Variants in HNF1B observed in about 807,000 individuals in gnomAD.
HNF1B encodes the protein HNF1 homeobox B.
In HNF1B, 8 loss-of-function variants were observed where a neutral mutation model predicts 61.7. The ratio of observed to expected loss-of-function variants is 0.13; its 90% confidence interval spans 0.08 to 0.23. The LOEUF (loss-of-function observed/expected upper bound fraction) is 0.23, where lower values mean the gene tolerates loss of function less well. Ranked by LOEUF, HNF1B falls within the 10% of genes least tolerant of loss-of-function variation. The pLI, the probability that HNF1B is intolerant of heterozygous loss-of-function variation, is 1.00. For synonymous variants in HNF1B, 314 were observed against 287.7 expected (o/e 1.09, Z -0.93); for missense variants, 562 against 714.5 (o/e 0.79, Z 2.43).
At chr17:37,720,478 TAGAGA>T (rs2033273714) in intron 4 of HNF1B, among the ~76,000 whole-genome samples, 1 of 151,902 alleles carries the variant, frequency 6.6e-6, no homozygotes, top group Admixed American at 6.6e-5. Context: ...ACACTGTTTC[TAGAGA>T]AGAGAAAATA....
At chr17:37,703,652 A>T (rs979209886) in intron 6 of HNF1B, among the ~76,000 whole-genome samples, 1 of 152,186 alleles carries the variant, frequency 6.6e-6, no homozygotes, top group Non-Finnish European at 1.5e-5. Flanking sequence ...TCAAAAGGCA[A>T]TACATTTAAA....
chr17:37,701,659 T>C (rs912823143), intron 6 of HNF1B, among the ~76,000 whole-genome samples: 2 of 152,136 alleles, frequency 1.3e-5, no homozygotes, highest in Admixed American at 1.3e-4. Context: ...ACAACTTCCA[T>C]AGTCCCGGGA....
chr17:37,730,179 A>C (rs1438955958), intron 4 of HNF1B: 4 of 152,670 alleles, frequency 2.6e-5, no homozygotes, highest in African/African-American at 9.7e-5. Context: ...CCTTGCCCCA[A>C]CCACGCCCCC....
At chr17:37,707,672 G>T (rs1028275293) in intron 5 of HNF1B, among the ~76,000 whole-genome samples, 2 of 152,138 alleles carry the variant, frequency 1.3e-5, no homozygotes, top group African/African-American at 4.8e-5. Context: ...GGGGTTGAAA[G>T]CAGGCTATCT....
rs1027738073 is a variant in HNF1B, at chr17:37,721,383, G to A, written c.1045+10212C>T. Reference sequence around the variant, plus strand: ...AGTTTCACAATAAAATACCACAATGGCAAGCCTCCCTCTGCACTCCAAGCT... The same window carrying A: ...AGTTTCACAATAAAATACCACAATGACAAGCCTCCCTCTGCACTCCAAGCT... On this transcript the variant is annotated intron_variant, in intron 4 of 8. Coordinates refer to ENST00000617811, the MANE Select transcript of HNF1B (RefSeq NM_000458.4). Among the ~76,000 whole-genome samples the A allele has an allele frequency of 3.9e-5, 6 of 152,174 alleles. No individual in the cohort carries two copies. In the South Asian group the frequency reaches 8.3e-4, roughly 21 times the overall value.
intron 4 of HNF1B, among the ~76,000 whole-genome samples, chr17:37,718,038 C>T (rs1568652259): frequency 6.6e-6 from 1 of 152,002 alleles, no homozygotes. Flanking sequence ...ACAGACAGGC[C>T]TGCAGGGACA....
intron 4 of HNF1B, among the ~76,000 whole-genome samples, chr17:37,716,842 A>ATCTC (rs55634127): frequency 0.028 from 3,635 of 130,996 alleles, 89 homozygotes; most frequent in Middle Eastern, 0.059. Context: ...CACTTTAACA[A>ATCTC]TCTCTCTCTC....
intron 4 of HNF1B, among the ~76,000 whole-genome samples, chr17:37,723,510 C>G (rs1403733364): frequency 6.6e-6 from 1 of 152,198 alleles, no homozygotes; most frequent in African/African-American, 2.4e-5. Flanking sequence ...CTTCCCCTCA[C>G]TGTTTCCTGA....
At chr17:37,721,953 C>T (rs936324746) in intron 4 of HNF1B, among the ~76,000 whole-genome samples, 4 of 152,090 alleles carry the variant, frequency 2.6e-5, no homozygotes, top group African/African-American at 7.2e-5. Flanking sequence ...TGGGACTCTA[C>T]GTGAATCTCT....
Position 37,744,824 on chromosome 17 carries a change from C to T in HNF1B, c.61G>A (p.Val21Ile), listed in dbSNP as rs1304695155. ...GCCTGAACCAGCACCTCCTTGGTGACCCCGGAGCTCAGCAGGGCGCTCAGG... is the reference window on the plus strand; with the variant it reads ...GCCTGAACCAGCACCTCCTTGGTGATCCCGGAGCTCAGCAGGGCGCTCAGG... ...ELLSALLSSG[V>I]TKEVLVQALE... is the part of the protein sequence containing the mutation. The change falls in exon 1 of 9, where the codon GTC becomes ATC. Residue 21 changes from valine to isoleucine, a missense_variant. This residue lies in a region of HNF1B where 148 missense variants were observed against 147.3 expected (regional missense o/e 1.00). Coordinates refer to ENST00000617811, the MANE Select transcript of HNF1B (RefSeq NM_000458.4). 9 of 1,613,362 alleles carry T rather than the reference C, an allele frequency of 5.6e-6. No homozygotes were observed. Among genetic ancestry groups the T allele is most frequent in the Non-Finnish European group, 6.8e-6 (8 of 1,180,010 alleles).
chr17:37,700,495 A>G (rs1444559224), intron 7 of HNF1B, among the ~76,000 whole-genome samples: 3 of 152,214 alleles, frequency 2.0e-5, no homozygotes, highest in Non-Finnish European at 4.4e-5. Flanking sequence ...TTTGGGGTGT[A>G]TAAATTGGAG....
intron 4 of HNF1B, among the ~76,000 whole-genome samples, chr17:37,714,728 T>A (rs992654280): frequency 6.6e-6 from 1 of 152,240 alleles, no homozygotes; most frequent in African/African-American, 2.4e-5. Context: ...CTATCCAATA[T>A]GACTGGTCAG....
At chr17:37,712,218 A>AGCT (rs1656792236) in intron 4 of HNF1B, among the ~76,000 whole-genome samples, 1 of 152,126 alleles carries the variant, frequency 6.6e-6, no homozygotes, top group Non-Finnish European at 1.5e-5. Context: ...TGAATCAAGG[A>AGCT]GCTGCTAGTG....
intron 4 of HNF1B, among the ~76,000 whole-genome samples, chr17:37,722,684 TC>T (rs1199069722): frequency 6.6e-6 from 1 of 151,960 alleles, no homozygotes; most frequent in Non-Finnish European, 1.5e-5. Context: ...AAGCATCGAG[TC>T]CCCCCTTGCC....
chr17:37,690,627 G>C (rs973705037), intron 8 of HNF1B, among the ~76,000 whole-genome samples: 61 of 152,140 alleles, frequency 4.0e-4, no homozygotes, highest in African/African-American at 1.3e-3. Context: ...CTTATTGAGA[G>C]ACTGATGTGA....
intron 8 of HNF1B, among the ~76,000 whole-genome samples, chr17:37,698,028 C>T (rs1425867064): frequency 6.9e-6 from 1 of 144,900 alleles, no homozygotes; most frequent in Non-Finnish European, 1.6e-5. Flanking sequence ...CACTCTAGGG[C>T]TGGAAGGAGA....
chr17:37,731,716 T>C lies in HNF1B; in HGVS notation c.924A>G (p.Ala308=). ...CGTCCATGGCCAGCTTTTGCCGGAA[T>C]GCCTCCTCCTTCCTGCGGTTTGCAA... ...NWFANRRKEE[A]FRQKLAMDAY... The change falls in exon 4 of 9, where the codon GCA becomes GCG. Residue 308 remains alanine (A), a synonymous_variant. Transcript: ENST00000617811. The C allele has an allele frequency of 1.2e-6, 2 of 1,614,124 alleles. No individual in the cohort carries two copies. The highest frequency in any genetic ancestry group is 1.7e-6 in the Non-Finnish European group (2 of 1,180,022).
intron 4 of HNF1B, among the ~76,000 whole-genome samples, chr17:37,716,812 A>G (rs990649119): frequency 7.3e-5 from 11 of 150,576 alleles, no homozygotes; most frequent in African/African-American, 2.7e-4. Context: ...CCAGAGATCA[A>G]CTGGGCACCA....
chr17:37,744,245 G>T (rs1006691966), intron 1 of HNF1B, among the ~76,000 whole-genome samples: 1 of 152,208 alleles, frequency 6.6e-6, no homozygotes, highest in Non-Finnish European at 1.5e-5. Flanking sequence ...CAAACCTCCC[G>T]GCAAAGGGCT....
Sources: allele counts gnomAD v4.1 joint callset (sites outside exome capture counted in the v4.1 genomes callset), GRCh38; gene constraint gnomAD v4.1.1; regional missense constraint gnomAD v4.1.1; transcripts MANE v1.5; gene names NCBI Gene and HGNC (gene_info 2026-07-23, HGNC 2026-07-21).